Variants in UPP2 observed in about 807,000 individuals in gnomAD.
UPP2 encodes the protein uridine phosphorylase 2, also known as UPase 2.
Under a neutral mutation model 26.7 loss-of-function variants are expected in UPP2, and 23 were observed. The ratio of observed to expected loss-of-function variants is 0.86; its 90% CI spans 0.62 to 1.22. The LOEUF (loss-of-function observed/expected upper bound fraction) is 1.22, where lower values mean the gene tolerates loss of function less well. Ranked by LOEUF, UPP2 falls within the 50% of genes most tolerant of loss-of-function variation. The pLI, the probability that UPP2 is intolerant of heterozygous loss-of-function variation, is 0.00. For missense variants in UPP2, 387 were observed against 396.7 expected (o/e 0.98, Z 0.21); for synonymous variants, 127 against 141.3 (o/e 0.90, Z 0.72).
At chr2:158,012,442 A>G (rs1574245035) in intron 2 of UPP2, among the ~76,000 whole-genome samples, 1 of 151,648 alleles carries the variant, frequency 6.6e-6, no homozygotes, top group African/African-American at 2.4e-5. Flanking sequence ...TGATGTTTGT[A>G]TTTTTAGTAG....
At chr2:158,115,043 T>C in intron 2 of UPP2, 58 bp from the exon 3 acceptor site, 4 of 1,483,358 alleles carry the variant, frequency 2.7e-6, no homozygotes, top group African/African-American at 1.4e-5. Context: ...GAGTTGAAAC[T>C]GACCCGTGGT....
chr2:158,098,664 C>G (rs376098235), upstream of UPP2, among the ~76,000 whole-genome samples: 4 of 152,130 alleles, frequency 2.6e-5, no homozygotes, highest in African/African-American at 9.7e-5. Flanking sequence ...TTGTACGTGT[C>G]ACCTCAGATG....
At chr2:158,108,590 C>T (rs1248648428) in intron 2 of UPP2, among the ~76,000 whole-genome samples, 1 of 151,026 alleles carries the variant, frequency 6.6e-6, no homozygotes, top group Non-Finnish European at 1.5e-5. Flanking sequence ...ATCTCTCTCA[C>T]ACACGCACAC....
At chr2:158,009,215 A>T (rs1683539434) in intron 2 of UPP2, among the ~76,000 whole-genome samples, 1 of 152,304 alleles carries the variant, frequency 6.6e-6, no homozygotes, top group South Asian at 2.1e-4. Flanking sequence ...TTATTAGTTT[A>T]TTGTAGTTAA....
chr2:158,058,419 CTGTGTGTGTGTG>C (rs70990632), intron 3 of UPP2, among the ~76,000 whole-genome samples: 1 of 136,378 alleles, frequency 7.3e-6, no homozygotes, highest in African/African-American at 2.9e-5. Context: ...TCCCCCCAAC[CTGTGTGTGTGTG>C]TGTGTGTGTG....
At chr2:158,018,880 A>G (rs536325362) in intron 3 of UPP2, among the ~76,000 whole-genome samples, 1 of 152,278 alleles carries the variant, frequency 6.6e-6, no homozygotes, top group Admixed American at 6.5e-5. Context: ...GAAGGAGCCA[A>G]GAAACTAAAG....
chr2:158,005,454 C>T (rs1312958368), intron 2 of UPP2, among the ~76,000 whole-genome samples: 4 of 152,062 alleles, frequency 2.6e-5, no homozygotes, highest in African/African-American at 9.7e-5. Flanking sequence ...AAAGAGAAAG[C>T]CAGGAGAGGA....
At chr2:158,027,838 G>A (rs1683859528) in intron 3 of UPP2, among the ~76,000 whole-genome samples, 2 of 152,220 alleles carry the variant, frequency 1.3e-5, no homozygotes, top group East Asian at 3.9e-4. Flanking sequence ...GCACTTGCAG[G>A]CTCAACACCA....
intron 2 of UPP2, among the ~76,000 whole-genome samples, chr2:157,996,586 C>T (rs539260677): frequency 1.3e-5 from 2 of 152,222 alleles, no homozygotes; most frequent in South Asian, 4.1e-4. Context: ...TAGTTGTATT[C>T]TGTGAGGATT....
Position 158,106,164 on chromosome 2 carries a change from T to G in UPP2, c.128T>G (p.Leu43Trp). ...DLMDEDILYH[L>W]DLGTKTHNLP... ...ATGGATGAAGACATTCTCTATCACT[T>G]GGATTTGGGAACAAAAACACACAAC... Residue 43 changes from leucine to tryptophan, a missense_variant, in exon 2 of 7, where the codon TTG becomes TGG. Transcript: ENST00000005756. 6.2e-7 allele frequency: 1 copy of G among 1,612,232 alleles called. No homozygotes were observed. The highest frequency in any genetic ancestry group is 1.3e-5 in the African/African-American group (1 of 74,936).
At chr2:158,111,402 T>C (rs1364067297) in intron 2 of UPP2, among the ~76,000 whole-genome samples, 2 of 152,206 alleles carry the variant, frequency 1.3e-5, no homozygotes, top group East Asian at 1.9e-4. Flanking sequence ...AATATAGTCA[T>C]TCCAGCATTA....
At chr2:158,123,354 C>CT (rs34301784) in intron 5 of UPP2, among the ~76,000 whole-genome samples, 78,244 of 150,768 alleles carry the variant, frequency 0.52, 20,583 homozygotes, top group African/African-American at 0.55. Flanking sequence ...ATCGAAACCT[C>CT]TTTTTTTTTC....
chr2:158,071,431 A>T (rs1682538017), intron 3 of UPP2, among the ~76,000 whole-genome samples: 1 of 151,882 alleles, frequency 6.6e-6, no homozygotes, highest in Non-Finnish European at 1.5e-5. Context: ...CATGCCTGTA[A>T]TCCCAGCTAC....
At chr2:158,004,521 C>A (rs1174844350) in intron 2 of UPP2, among the ~76,000 whole-genome samples, 1 of 152,238 alleles carries the variant, frequency 6.6e-6, no homozygotes, top group African/African-American at 2.4e-5. Context: ...TTGCTTCAGT[C>A]TGTGAACAAA....
chr2:158,102,722 T>C (rs1175741977), intron 1 of UPP2, among the ~76,000 whole-genome samples: 4 of 152,110 alleles, frequency 2.6e-5, no homozygotes, highest in African/African-American at 9.7e-5. Context: ...CATAAGGAGA[T>C]TTTGCTGGTT....
chr2:158,066,527 C>G (rs1388483453), intron 3 of UPP2, among the ~76,000 whole-genome samples: 7 of 152,122 alleles, frequency 4.6e-5, no homozygotes, highest in Non-Finnish European at 1.0e-4. Context: ...TCAATCATTT[C>G]AAACATTGAA....
chr2:158,055,003 T>C (rs778223665), intron 3 of UPP2, among the ~76,000 whole-genome samples: 5 of 152,216 alleles, frequency 3.3e-5, no homozygotes, highest in Non-Finnish European at 7.3e-5. Context: ...TTCTACTTCC[T>C]GTCTCTACTA....
upstream of UPP2, among the ~76,000 whole-genome samples, chr2:158,100,545 G>A (rs931763256): frequency 6.6e-6 from 1 of 152,210 alleles, no homozygotes; most frequent in African/African-American, 2.4e-5. Context: ...AGTAGTGAGT[G>A]AGTATGTTGA....
At chr2:158,085,928 A>C (rs937010868) in intron 3 of UPP2, among the ~76,000 whole-genome samples, 2 of 151,812 alleles carry the variant, frequency 1.3e-5, no homozygotes, top group African/African-American at 4.8e-5. Context: ...GGATTTTTGT[A>C]TCTTTGTACG....
Sources: gnomAD v4.1 joint callset for allele counts (sites outside exome capture counted in the v4.1 genomes callset) on GRCh38, gnomAD v4.1.1 for gene constraint, MANE v1.5 for transcripts, NCBI Gene and HGNC (gene_info 2026-07-23, HGNC 2026-07-21) for gene names.